Variants in CDK14 observed in about 807,000 individuals in gnomAD.
The protein encoded by CDK14 is cyclin dependent kinase 14, also known as cyclin-dependent kinase 14.
Under a neutral mutation model 60.7 loss-of-function variants are expected in CDK14, and 34 were observed. That is an observed-to-expected ratio of 0.56 (90% CI 0.43 to 0.75). The LOEUF is 0.75. Ranked by LOEUF, CDK14 falls within the 30% of genes least tolerant of loss-of-function variation. The pLI, the probability that CDK14 is intolerant of heterozygous loss-of-function variation, is 0.00. For synonymous variants in CDK14, 197 were observed against 203.7 expected (o/e 0.97, Z 0.28); for missense variants, 482 against 564.1 (o/e 0.85, Z 1.47).
chr7:90,759,108 G>T lies in CDK14; in HGVS notation c.464+11333G>T, dbSNP rs376751221. 5.9e-5 allele frequency among the ~76,000 whole-genome samples: 9 copies of T among 152,068 alleles called. No individual in the cohort carries two copies. The East Asian group carries it at 1.7e-3, about 29-fold the overall frequency. On this transcript the variant is annotated intron_variant, in intron 4 of 14. Coordinates refer to ENST00000380050, the MANE Select transcript of CDK14 (RefSeq NM_001287135.2). ...AAACATCCAGGTAAAATGGTGTGGG[G>T]TTTCAAAGGGAATGAAGAGAGGATG...
intron 14 of CDK14, among the ~76,000 whole-genome samples, chr7:91,141,768 G>A (rs990439451): frequency 1.5e-4 from 23 of 151,942 alleles, no homozygotes; most frequent in Non-Finnish European, 3.1e-4. Context: ...GATACTGCCC[G>A]TATACCTAGG....
chr7:90,786,493 A>G (rs6975975), intron 4 of CDK14, among the ~76,000 whole-genome samples: 9 of 152,376 alleles, frequency 5.9e-5, no homozygotes, highest in Middle Eastern at 6.8e-3. Flanking sequence ...GGTTAAATCC[A>G]CAAGATAATT....
At chr7:90,775,809 TCTTC>T (rs1805021650) in intron 4 of CDK14, among the ~76,000 whole-genome samples, 1 of 150,488 alleles carries the variant, frequency 6.6e-6, no homozygotes, top group Non-Finnish European at 1.5e-5. Context: ...CTTCCCCTTT[TCTTC>T]CTTCTTAGTT....
At chr7:90,889,424 TC>T (rs1183371749) in intron 6 of CDK14, among the ~76,000 whole-genome samples, 1 of 152,206 alleles carries the variant, frequency 6.6e-6, no homozygotes, top group Non-Finnish European at 1.5e-5. Context: ...TGCTTCCTGT[TC>T]CAGTCACCAG....
At chr7:91,056,160 A>T (rs1174139442) in intron 11 of CDK14, among the ~76,000 whole-genome samples, 1 of 152,208 alleles carries the variant, frequency 6.6e-6, no homozygotes, top group Non-Finnish European at 1.5e-5. Flanking sequence ...GTGGGTGTTG[A>T]CCACAGTACC....
At chr7:90,698,681 A>G (rs984390156) in intron 2 of CDK14, among the ~76,000 whole-genome samples, 3 of 152,050 alleles carry the variant, frequency 2.0e-5, no homozygotes, top group Non-Finnish European at 2.9e-5. Flanking sequence ...ATGCCTGCCA[A>G]CTCTTTATTT....
intron 4 of CDK14, among the ~76,000 whole-genome samples, chr7:90,785,336 A>C (rs1805532429): frequency 6.6e-6 from 1 of 152,182 alleles, no homozygotes; most frequent in Non-Finnish European, 1.5e-5. Context: ...TGAAGTAACT[A>C]ATGGAATAGA....
At chr7:91,046,180 A>G (rs1008858718) in intron 11 of CDK14, among the ~76,000 whole-genome samples, 4 of 150,812 alleles carry the variant, frequency 2.7e-5, no homozygotes, top group African/African-American at 1.0e-4. Context: ...TATATACTTT[A>G]TTTTATTTGA....
chr7:91,195,323 G>A (rs963372823), intron 14 of CDK14, among the ~76,000 whole-genome samples: 6 of 152,132 alleles, frequency 3.9e-5, no homozygotes, highest in African/African-American at 9.7e-5. Context: ...TGTATTAATC[G>A]AACATGTTCG....
At chr7:90,629,595 G>A (rs2116396753) in intron 2 of CDK14, among the ~76,000 whole-genome samples, 1 of 152,338 alleles carries the variant, frequency 6.6e-6, no homozygotes, top group South Asian at 2.1e-4. Flanking sequence ...GTGGGCAGGG[G>A]TTAAAGGGTG....
At chr7:90,851,360 T>G (rs1181332902) in intron 5 of CDK14, among the ~76,000 whole-genome samples, 1 of 152,154 alleles carries the variant, frequency 6.6e-6, no homozygotes. Flanking sequence ...TGTGTATGAA[T>G]GTGTGTGTGG....
chr7:91,158,306 G>A lies in CDK14; in HGVS notation c.*28+40098G>A, dbSNP rs115794691. On this transcript the variant is annotated intron_variant, in intron 14 of 14. Transcript: ENST00000380050. The stretch of plus-strand genomic sequence containing the variant: ...TGACTCACTGCAGTCTCGACCTCCC[G>A]CGCTCAAGCATTCTGCCCACCTCAG... Among the ~76,000 whole-genome samples, 1,167 of 151,850 alleles carry A rather than the reference G, an allele frequency of 7.7e-3. 17 individuals are homozygous for A. The highest frequency in any genetic ancestry group is 0.027 in the African/African-American group (1,124 of 41,420).
At chr7:91,014,250 T>G (rs1360245355) in intron 10 of CDK14, among the ~76,000 whole-genome samples, 1 of 152,136 alleles carries the variant, frequency 6.6e-6, no homozygotes. Context: ...AAATTACACT[T>G]TTTTGTTTAT....
chr7:91,184,533 A>C (rs1424220351), intron 14 of CDK14, among the ~76,000 whole-genome samples: 1 of 152,192 alleles, frequency 6.6e-6, no homozygotes, highest in Non-Finnish European at 1.5e-5. Flanking sequence ...CTGAGAGTCA[A>C]AAGCTAGTAT....
In CDK14 at chr7:90,812,285, C is replaced by G. The variant is rs374382680; in HGVS notation, c.544+21633C>G. On this transcript the variant is annotated intron_variant, in intron 5 of 14. Transcript: ENST00000380050. ...ATATACACCATGGAATACTATGCAG[C>G]TATAAAAAATGATGAGTTCATGTCT... Among the ~76,000 whole-genome samples, 21 of 152,260 alleles carry G rather than the reference C, an allele frequency of 1.4e-4. 1 individual carries two copies. Among genetic ancestry groups the G allele is most frequent in the East Asian group, 1.4e-3 (7 of 5,184 alleles).
chr7:90,742,893 C>G (rs965343402), intron 3 of CDK14, among the ~76,000 whole-genome samples: 6 of 151,644 alleles, frequency 4.0e-5, no homozygotes, highest in African/African-American at 1.5e-4. Context: ...ATGCTTGGTA[C>G]GGAGGTATTT....
chr7:91,200,357 G>A (rs889609205), intron 14 of CDK14, among the ~76,000 whole-genome samples: 5 of 152,210 alleles, frequency 3.3e-5, no homozygotes, highest in Non-Finnish European at 7.3e-5. Flanking sequence ...ACAACCTTAT[G>A]TGTGAACTTA....
In CDK14 at chr7:91,003,032, A is replaced by T. The variant is rs189950870; in HGVS notation, c.1041+18791A>T. Among the ~76,000 whole-genome samples, 78 of 152,336 alleles carry T rather than the reference A, an allele frequency of 5.1e-4. No individual in the cohort carries two copies. In the East Asian group the frequency reaches 0.013, roughly 26 times the overall value. On this transcript the variant is annotated intron_variant, in intron 10 of 14. Transcript: ENST00000380050. Reference sequence around the variant, plus strand: ...GCTTATAGTGAGCCGAGATCACGCCACTGCACTCCAGCCTGGCGACAGTGC... The same window carrying T: ...GCTTATAGTGAGCCGAGATCACGCCTCTGCACTCCAGCCTGGCGACAGTGC...
chr7:91,154,103 A>T (rs958220484), intron 14 of CDK14, among the ~76,000 whole-genome samples: 1 of 152,150 alleles, frequency 6.6e-6, no homozygotes, highest in African/African-American at 2.4e-5. Flanking sequence ...TTTTGATTTT[A>T]ACATTTTTCC....
Sources: gnomAD v4.1 joint callset for allele counts (sites outside exome capture counted in the v4.1 genomes callset) on GRCh38, gnomAD v4.1.1 for gene constraint, MANE v1.5 for transcripts, NCBI Gene and HGNC (gene_info 2026-07-23, HGNC 2026-07-21) for gene names.